Variants in CNTNAP2 observed in about 807,000 individuals in gnomAD.
CNTNAP2 encodes contactin associated protein 2, also known as contactin-associated protein-like 2.
CNTNAP2 carries 98 observed loss-of-function variants against 155.2 expected under a neutral mutation model. That is an observed-to-expected ratio of 0.63 (90% CI 0.54 to 0.75). The LOEUF is 0.75. Among genes scored for constraint, CNTNAP2 ranks in the 30% least tolerant of loss-of-function variants. The probability of loss-of-function intolerance (pLI) is 0.00; values close to 1 mark genes in which losing one functional copy is unlikely to be tolerated. For synonymous variants in CNTNAP2, 651 were observed against 631.2 expected, an observed-to-expected ratio of 1.03 and a Z score of -0.47; for missense variants, 1,727 against 1,688.1, an observed-to-expected ratio of 1.02 and a Z score of -0.40.
At chr7:146,375,768 G>T (rs114730776) in intron 1 of CNTNAP2, among the ~76,000 whole-genome samples, 1 of 152,100 alleles carries the variant, frequency 6.6e-6, no homozygotes, top group African/African-American at 2.4e-5. Flanking sequence ...CGATTTCATC[G>T]TGTGACCCAG....
intron 8 of CNTNAP2, among the ~76,000 whole-genome samples, chr7:147,153,872 T>C: frequency 6.6e-6 from 1 of 152,112 alleles, no homozygotes; most frequent in South Asian, 2.1e-4. Flanking sequence ...GCTAAATCCA[T>C]TTGAGAGCTG....
intron 3 of CNTNAP2, among the ~76,000 whole-genome samples, chr7:146,974,373 G>T (rs1797864347): frequency 6.6e-6 from 1 of 151,854 alleles, no homozygotes. Context: ...GGGAAGAGGA[G>T]GTTGCAGTGA....
At chr7:146,859,887 A>G (rs1585126044) in intron 3 of CNTNAP2, among the ~76,000 whole-genome samples, 1 of 152,286 alleles carries the variant, frequency 6.6e-6, no homozygotes, top group South Asian at 2.1e-4. Context: ...CTGCCGGGCT[A>G]GGAAAATATG....
chr7:147,433,593 G>C (rs1162965746), intron 10 of CNTNAP2, among the ~76,000 whole-genome samples: 1 of 152,126 alleles, frequency 6.6e-6, no homozygotes, highest in African/African-American at 2.4e-5. Context: ...TTTTATATTG[G>C]AATGTAATGT....
intron 3 of CNTNAP2, among the ~76,000 whole-genome samples, chr7:146,950,173 A>G (rs1179341119): frequency 1.3e-5 from 2 of 152,172 alleles, no homozygotes; most frequent in Non-Finnish European, 2.9e-5. Flanking sequence ...TGAAATAATT[A>G]TATTATCTGA....
intron 12 of CNTNAP2, among the ~76,000 whole-genome samples, chr7:147,606,690 G>A (rs1253274015): frequency 6.6e-6 from 1 of 152,194 alleles, no homozygotes; most frequent in Non-Finnish European, 1.5e-5. Context: ...ATGTTACAGA[G>A]ACACTGTGAT....
chr7:148,367,835 C>T (rs1798814027), intron 21 of CNTNAP2, among the ~76,000 whole-genome samples: 1 of 151,938 alleles, frequency 6.6e-6, no homozygotes, highest in South Asian at 2.1e-4. Context: ...GTATTTTCTT[C>T]GAGGTGCCAC....
intron 2 of CNTNAP2, among the ~76,000 whole-genome samples, chr7:146,819,286 G>A (rs1318184643): frequency 6.6e-6 from 1 of 152,066 alleles, no homozygotes; most frequent in African/African-American, 2.4e-5. Flanking sequence ...TATTTCTATA[G>A]TAATGCAGAT....
At chr7:146,803,528 A>G (rs778412225) in intron 2 of CNTNAP2, among the ~76,000 whole-genome samples, 1 of 152,146 alleles carries the variant, frequency 6.6e-6, no homozygotes, top group Non-Finnish European at 1.5e-5. Context: ...TCCATGACAC[A>G]TTGTTGGCCC....
At chr7:147,258,057 C>T (rs950119699) in intron 8 of CNTNAP2, among the ~76,000 whole-genome samples, 1 of 151,988 alleles carries the variant, frequency 6.6e-6, no homozygotes, top group Non-Finnish European at 1.5e-5. Flanking sequence ...TAAATAAGTA[C>T]AAATAAAAAC....
intron 1 of CNTNAP2, among the ~76,000 whole-genome samples, chr7:146,636,556 A>G (rs1799603371): frequency 6.6e-6 from 1 of 152,244 alleles, no homozygotes. Context: ...ACTTTGTACT[A>G]GCAATGGTCA....
chr7:147,620,138 T>C (rs981578839), intron 12 of CNTNAP2, among the ~76,000 whole-genome samples: 1 of 152,238 alleles, frequency 6.6e-6, no homozygotes, highest in Non-Finnish European at 1.5e-5. Context: ...GGGTGCCCCC[T>C]AAAGCTGTTA....
At chr7:146,319,473 G>A (rs1264697101) in intron 1 of CNTNAP2, among the ~76,000 whole-genome samples, 2 of 152,092 alleles carry the variant, frequency 1.3e-5, no homozygotes, top group African/African-American at 2.4e-5. Flanking sequence ...GTAGACCGGG[G>A]TACAAATTGG....
At chr7:147,504,516 T>C (rs1584776692) in intron 11 of CNTNAP2, among the ~76,000 whole-genome samples, 1 of 151,724 alleles carries the variant, frequency 6.6e-6, no homozygotes, top group Non-Finnish European at 1.5e-5. Context: ...TGGTGAAACC[T>C]CATCTCTACT....
intron 3 of CNTNAP2, among the ~76,000 whole-genome samples, chr7:146,910,863 C>T (rs1409499488): frequency 1.3e-5 from 2 of 150,426 alleles, no homozygotes; most frequent in Admixed American, 1.3e-4. Flanking sequence ...TCAGAGTGAA[C>T]AGGCAACCTA....
At chr7:147,866,749 TG>T (rs1799236083) in intron 13 of CNTNAP2, among the ~76,000 whole-genome samples, 1 of 88,702 alleles carries the variant, frequency 1.1e-5, no homozygotes, top group Non-Finnish European at 2.5e-5. Context: ...TTGCAACCCC[TG>T]TTTTTTTTTT....
intron 3 of CNTNAP2, among the ~76,000 whole-genome samples, chr7:146,934,595 TAATAA>T (rs1796870689): frequency 6.6e-6 from 1 of 152,064 alleles, no homozygotes. Flanking sequence ...ACTTTAATAA[TAATAA>T]AATTAAAAAA....
rs1199149066 is a variant in CNTNAP2, at chr7:148,283,255, AAAAGAAAGAAAGAAAG to A, written c.3475+16166_3475+16181del. ...ACTCTGTCTCAAAAAAAAAAAAAAA[AAAAGAAAGAAAGAAAG>A]AAAGAAAGAAAGAAAGAAAGAAAGA... On this transcript the variant is annotated intron_variant, in intron 21 of 23. Coordinates refer to ENST00000361727, the MANE Select transcript of CNTNAP2 (RefSeq NM_014141.6). 7.9e-5 allele frequency among the ~76,000 whole-genome samples: 5 copies of A among 63,634 alleles called. 2 individuals are homozygous for A. The highest frequency in any genetic ancestry group is 3.0e-4 in the African/African-American group (5 of 16,534). 41.7% of individuals were successfully genotyped at this position (63,634 alleles called of 152,430 possible). A position where few individuals can be genotyped will look rare whatever the true frequency, so the allele number is the denominator to read the frequency against.
At chr7:147,584,176 A>C (rs2116831753) in intron 12 of CNTNAP2, among the ~76,000 whole-genome samples, 1 of 152,348 alleles carries the variant, frequency 6.6e-6, no homozygotes, top group East Asian at 1.9e-4. Context: ...TCAAGTATGC[A>C]CAAAAGTGAT....
Sources: gnomAD v4.1 joint callset for allele counts (sites outside exome capture counted in the v4.1 genomes callset) on GRCh38, gnomAD v4.1.1 for gene constraint, MANE v1.5 for transcripts, NCBI Gene and HGNC (gene_info 2026-07-23, HGNC 2026-07-21) for gene names.